POFUT3: variants seen among roughly 807,000 people sequenced by gnomAD.
POFUT3 encodes GDP-fucose protein O-fucosyltransferase 3.
At chr8:33,470,742 C>A in the POFUT3 span, among the ~76,000 whole-genome samples, 1 of 152,078 alleles carries the variant, frequency 6.6e-6, no homozygotes, top group Non-Finnish European at 1.5e-5. Context: ...TTTATATATT[C>A]ATGAATGAGG....
At chr8:33,398,471 A>G in the POFUT3 span, among the ~76,000 whole-genome samples, 74 of 152,340 alleles carry the variant, frequency 4.9e-4, no homozygotes, top group Admixed American at 4.3e-3. Context: ...CAAAACAAAT[A>G]ATAATCACAT....
At chr8:33,458,535 TA>T in the POFUT3 span, among the ~76,000 whole-genome samples, 1 of 151,010 alleles carries the variant, frequency 6.6e-6, no homozygotes, top group African/African-American at 2.4e-5. Context: ...GCCAACATGG[TA>T]AAACCCCATC....
the POFUT3 span, among the ~76,000 whole-genome samples, chr8:33,364,947 GCCAAGACAA>G: frequency 2.6e-5 from 4 of 152,124 alleles, no homozygotes; most frequent in Admixed American, 2.6e-4. Flanking sequence ...AGCCCACATT[GCCAAGACAA>G]TCTTAAGCCA....
chr8:33,341,434 C>CAA, the POFUT3 span, among the ~76,000 whole-genome samples: 5 of 52,342 alleles, frequency 9.6e-5, no homozygotes, highest in African/African-American at 2.1e-4. Flanking sequence ...GACTCCATCT[C>CAA]AAAAAAAAAA....
At chr8:33,414,031 C>G in the POFUT3 span, among the ~76,000 whole-genome samples, 2,247 of 152,196 alleles carry the variant, frequency 0.015, 57 homozygotes, top group African/African-American at 0.05. Flanking sequence ...CTCTGTCCCC[C>G]CTTCACCTCC....
the POFUT3 span, among the ~76,000 whole-genome samples, chr8:33,382,393 GTTTT>G: frequency 6.7e-6 from 1 of 150,320 alleles, no homozygotes; most frequent in Non-Finnish European, 1.5e-5. Flanking sequence ...CAGCAAGGTG[GTTTT>G]TTTTTTTATG....
chr8:33,473,119 T>C, the POFUT3 span: 1 of 151,924 alleles, frequency 6.6e-6, no homozygotes, highest in African/African-American at 2.4e-5. Context: ...TTTCTCCCTA[T>C]GAGCCCAAGC....
chr8:33,389,667 T>A, the POFUT3 span: 1 of 1,614,160 alleles, frequency 6.2e-7, no homozygotes, highest in East Asian at 2.2e-5. Context: ...AACGTGGCAG[T>A]GTAGTTGAAC....
At chr8:33,407,540 T>C in the POFUT3 span, among the ~76,000 whole-genome samples, 1,394 of 152,274 alleles carry the variant, frequency 9.2e-3, 24 homozygotes, top group African/African-American at 0.032. Flanking sequence ...TAAAACATAA[T>C]ATGGCCTTAA....
chr8:33,427,367 C>T, the POFUT3 span, among the ~76,000 whole-genome samples: 1 of 151,810 alleles, frequency 6.6e-6, no homozygotes, highest in Non-Finnish European at 1.5e-5. Context: ...CATCTGAGGT[C>T]GGGAGTTCGA....
chr8:33,384,621 A>G, the POFUT3 span, among the ~76,000 whole-genome samples: 1 of 152,058 alleles, frequency 6.6e-6, no homozygotes, highest in East Asian at 1.9e-4. Flanking sequence ...GGTGTTCAAG[A>G]CCAGCCTGAC....
At chr8:33,375,060 T>A in the POFUT3 span, among the ~76,000 whole-genome samples, 62 of 151,840 alleles carry the variant, frequency 4.1e-4, no homozygotes, top group African/African-American at 1.3e-3. Flanking sequence ...TTTTTTATTT[T>A]TTTTTATTTT....
chr8:33,338,205 G>C, the POFUT3 span, among the ~76,000 whole-genome samples: 3 of 152,150 alleles, frequency 2.0e-5, no homozygotes, highest in South Asian at 2.1e-4. Flanking sequence ...GAATCGCAGT[G>C]GTGGGACACA....
At chr8:33,413,232 G>C in the POFUT3 span, among the ~76,000 whole-genome samples, 1 of 152,178 alleles carries the variant, frequency 6.6e-6, no homozygotes, top group South Asian at 2.1e-4. Context: ...GAGAGGGAGA[G>C]TCTTTGGGAG....
chr8:33,436,452 GC>G, the POFUT3 span: 1 of 1,436,598 alleles, frequency 7.0e-7, no homozygotes, highest in Non-Finnish European at 9.8e-7. Flanking sequence ...GACTGATGTT[GC>G]CCACATGCAA....
the POFUT3 span, among the ~76,000 whole-genome samples, chr8:33,367,367 A>C: frequency 2.6e-5 from 4 of 152,218 alleles, no homozygotes; most frequent in Admixed American, 6.5e-5. Flanking sequence ...ACCCCAACCT[A>C]TTCCTTTAAT....
At chr8:33,324,859 A>G in the POFUT3 span, among the ~76,000 whole-genome samples, 1 of 152,094 alleles carries the variant, frequency 6.6e-6, no homozygotes, top group African/African-American at 2.4e-5. Flanking sequence ...AATTATTAGA[A>G]GAGCTGCTGC....
chr8:33,441,182 T>G, the POFUT3 span, among the ~76,000 whole-genome samples: 267 of 151,578 alleles, frequency 1.8e-3, 3 homozygotes, highest in Admixed American at 3.9e-3. Flanking sequence ...AATACAAAAA[T>G]TAGCCAGGCA....
chr8:33,465,619 C>T, the POFUT3 span, among the ~76,000 whole-genome samples: 2 of 152,052 alleles, frequency 1.3e-5, no homozygotes, highest in Non-Finnish European at 1.5e-5. Flanking sequence ...CGTGCCACCA[C>T]ACCCAGCTAA....
Sources: allele counts gnomAD v4.1 joint callset (sites outside exome capture counted in the v4.1 genomes callset), GRCh38; gene constraint gnomAD v4.1.1; transcripts MANE v1.5; gene names NCBI Gene and HGNC (gene_info 2026-07-23, HGNC 2026-07-21).